The following SERINC5 variants were observed in gnomAD, a reference collection of about 807,000 sequenced individuals.
The protein encoded by SERINC5 is serine incorporator 5, also known as chromosome 5 open reading frame 12.
A neutral mutation model predicts 63.1 loss-of-function variants in SERINC5; 41 were observed. The observed-to-expected ratio is 0.65, with a 90% confidence interval of 0.51 to 0.84. SERINC5 has a LOEUF of 0.84. SERINC5 is among the 40% of genes least tolerant of loss of function. The pLI, the probability that SERINC5 is intolerant of heterozygous loss-of-function variation, is 0.00. For synonymous variants in SERINC5, 222 were observed against 215.2 expected (o/e 1.03, Z -0.28); for missense variants, 523 against 573.0 (o/e 0.91, Z 0.89).
At chr5:80,243,417 T>C (rs1315283761) in intron 1 of SERINC5, among the ~76,000 whole-genome samples, 2 of 152,054 alleles carry the variant, frequency 1.3e-5, no homozygotes, top group Non-Finnish European at 2.9e-5. Context: ...AAGACAGGAA[T>C]TTCCCCTACT....
chr5:80,136,343 G>A (rs1449145975), downstream of SERINC5, among the ~76,000 whole-genome samples: 1 of 152,070 alleles, frequency 6.6e-6, no homozygotes, highest in African/African-American at 2.4e-5. Context: ...CCAGCATAAG[G>A]GCAGGAAAAA....
At chr5:80,116,338 G>T (rs1214179632) in intron 11 of SERINC5, 1 of 456,024 alleles carries the variant, frequency 2.2e-6, no homozygotes, top group Non-Finnish European at 4.4e-6. Context: ...GAACAAAATA[G>T]AAATCAAAAT....
rs373920343 is a variant in SERINC5, at chr5:80,233,805, CTTTTTT to C, written c.27+22085_27+22090del. Among the ~76,000 whole-genome samples, 125 of 69,926 alleles carry C rather than the reference CTTTTTT, an allele frequency of 1.8e-3. 1 individual carries two copies. Among genetic ancestry groups the C allele is most frequent in the African/African-American group, 7.5e-3 (118 of 15,726 alleles). 45.9% of individuals were successfully genotyped at this position (69,926 alleles called of 152,430 possible). ...TATTTTATAGATCTTTCAACTTTTACTTTTTTTTTTTTTTTTTTTTTTTTGAGACAG... is the reference window on the plus strand; with the variant it reads ...TATTTTATAGATCTTTCAACTTTTACTTTTTTTTTTTTTTTTTTGAGACAG... On this transcript the variant is annotated intron_variant, in intron 1 of 11. Transcript: ENST00000507668.
downstream of SERINC5, among the ~76,000 whole-genome samples, chr5:80,137,151 A>AAC (rs1554058496): frequency 1.4e-5 from 2 of 141,402 alleles, no homozygotes; most frequent in African/African-American, 5.6e-5. Context: ...AAAAAAAAAA[A>AAC]AAAAAAAAAA....
chr5:80,201,699 T>C (rs1400816296), intron 2 of SERINC5, among the ~76,000 whole-genome samples: 2 of 152,198 alleles, frequency 1.3e-5, no homozygotes, highest in Non-Finnish European at 2.9e-5. Context: ...AAAAAGGAAA[T>C]TCAAGAAAAA....
chr5:80,219,406 C>T (rs902672440), intron 1 of SERINC5, among the ~76,000 whole-genome samples: 8 of 152,228 alleles, frequency 5.3e-5, no homozygotes, highest in African/African-American at 1.9e-4. Context: ...CTTTCCAGCT[C>T]TTCCCTCTTT....
At chr5:80,157,890 C>T (rs1746640685) in intron 8 of SERINC5, 1 of 152,118 alleles carries the variant, frequency 6.6e-6, no homozygotes, top group Non-Finnish European at 1.5e-5. Flanking sequence ...GGTCTGTGTC[C>T]CCGTTGGTCC....
intron 2 of SERINC5, among the ~76,000 whole-genome samples, chr5:80,185,090 G>C (rs532323600): frequency 6.6e-6 from 1 of 152,086 alleles, no homozygotes; most frequent in African/African-American, 2.4e-5. Context: ...GGCCAGGCTG[G>C]TTTCAAACTC....
At chr5:80,160,977 T>C (rs143456099) in intron 7 of SERINC5, among the ~76,000 whole-genome samples, 2 of 150,664 alleles carry the variant, frequency 1.3e-5, no homozygotes, top group East Asian at 3.9e-4. Flanking sequence ...TATATATGTA[T>C]ATATGTGTGT....
intron 11 of SERINC5, among the ~76,000 whole-genome samples, chr5:80,144,390 T>C (rs1315892079): frequency 6.6e-6 from 1 of 152,240 alleles, no homozygotes; most frequent in Non-Finnish European, 1.5e-5. Context: ...AAGAGCTGGA[T>C]TACATTGTAA....
intron 2 of SERINC5, among the ~76,000 whole-genome samples, chr5:80,188,868 C>T (rs1218990730): frequency 1.3e-5 from 2 of 152,088 alleles, no homozygotes; most frequent in Non-Finnish European, 2.9e-5. Flanking sequence ...GTTGAGGCTG[C>T]AGTGAGCCAT....
chr5:80,198,688 C>A (rs1749649826), intron 2 of SERINC5: 1 of 985,382 alleles, frequency 1.0e-6, no homozygotes, highest in Non-Finnish European at 1.2e-6. Context: ...CCTTTCAACA[C>A]CCGCCCGCAA....
chr5:80,245,626 A>AT (rs1561453596), intron 1 of SERINC5, among the ~76,000 whole-genome samples: 1 of 150,250 alleles, frequency 6.7e-6, no homozygotes, highest in East Asian at 1.9e-4. Flanking sequence ...TTTATTTTTT[A>AT]TTTTTTGAGA....
intron 11 of SERINC5, chr5:80,116,370 C>A: frequency 2.2e-6 from 1 of 455,954 alleles, no homozygotes; most frequent in Non-Finnish European, 4.4e-6. Flanking sequence ...TTCCCTTCCT[C>A]TTCCTGGACA....
At chr5:80,191,217 C>A (rs1251266372) in intron 2 of SERINC5, among the ~76,000 whole-genome samples, 1 of 151,172 alleles carries the variant, frequency 6.6e-6, no homozygotes, top group Non-Finnish European at 1.5e-5. Context: ...GCCTTTTCTG[C>A]CTATAAAGAC....
intron 2 of SERINC5, chr5:80,198,827 C>T (rs1291308585): frequency 2.2e-6 from 1 of 448,300 alleles, no homozygotes; most frequent in African/African-American, 2.1e-5. Context: ...ACAGGGATCT[C>T]ATTCCCTACG....
chr5:80,165,332 C>T (rs6893475), intron 7 of SERINC5, among the ~76,000 whole-genome samples: 124,657 of 152,138 alleles, frequency 0.82, 51,644 homozygotes, highest in African/African-American at 0.93. Flanking sequence ...AAAATTATCA[C>T]TGCACCAGCT....
At chr5:80,173,272 AG>A (rs1561393238) in intron 5 of SERINC5, among the ~76,000 whole-genome samples, 56 of 150,336 alleles carry the variant, frequency 3.7e-4, no homozygotes, top group African/African-American at 1.2e-3. Flanking sequence ...GAAGGAAGGA[AG>A]GAAGGAAGAA....
Position 80,140,410 on chromosome 5 carries a change from A to C in SERINC5, c.*3253T>G. On this transcript the variant is annotated 3_prime_UTR_variant, in exon 12 of 12. Coordinates refer to ENST00000507668, the MANE Select transcript of SERINC5 (RefSeq NM_001174072.3). ...GTTATTCATAATAAAGGATCTTCTG[A>C]GGAATCGGAAATAAACAATGTTGTA... The C allele has an allele frequency of 1.0e-6, 1 of 983,110 alleles. No homozygotes were observed. Among genetic ancestry groups the C allele is most frequent in the Non-Finnish European group, 1.2e-6 (1 of 829,314 alleles). The allele number at this position is 983,110 out of a possible 1,614,324, so 60.9% of individuals were successfully genotyped here.
Sources: gnomAD v4.1 joint callset for allele counts (sites outside exome capture counted in the v4.1 genomes callset) on GRCh38, gnomAD v4.1.1 for gene constraint, MANE v1.5 for transcripts, NCBI Gene and HGNC (gene_info 2026-07-23, HGNC 2026-07-21) for gene names.